Variants in DPF3 observed in about 807,000 individuals in gnomAD.
DPF3 encodes double PHD fingers 3.
DPF3 carries 18 observed loss-of-function variants against 56.8 expected under a neutral mutation model. The observed-to-expected ratio is 0.32, with a 90% CI of 0.22 to 0.47. DPF3 has a LOEUF of 0.47. Among genes scored for constraint, DPF3 ranks in the 20% least tolerant of loss-of-function variants. The probability of loss-of-function intolerance (pLI) is 1.00; values close to 1 mark genes in which losing one functional copy is unlikely to be tolerated. For missense variants in DPF3, 403 were observed against 488.8 expected (o/e 0.82, Z 1.65); for synonymous variants, 188 against 180.2 (o/e 1.04, Z -0.35).
At chr14:72,628,896 A>C (rs1219568456) in intron 9 of DPF3, among the ~76,000 whole-genome samples, 3 of 152,218 alleles carry the variant, frequency 2.0e-5, no homozygotes, top group African/African-American at 4.8e-5. Flanking sequence ...TGGAGGGAAA[A>C]GTCTATGTGT....
chr14:72,766,102 A>G (rs1200340458), intron 2 of DPF3, among the ~76,000 whole-genome samples: 1 of 152,246 alleles, frequency 6.6e-6, no homozygotes, highest in Non-Finnish European at 1.5e-5. Context: ...ATGGTTCCAC[A>G]GGTGAATATA....
At chr14:72,752,024 T>C (rs1890597900) in intron 3 of DPF3, among the ~76,000 whole-genome samples, 2 of 152,142 alleles carry the variant, frequency 1.3e-5, no homozygotes, top group African/African-American at 2.4e-5. Flanking sequence ...TTAAGTGAAA[T>C]ACGGATTGAA....
intron 1 of DPF3, among the ~76,000 whole-genome samples, chr14:72,807,063 T>C (rs972011265): frequency 6.6e-6 from 1 of 151,190 alleles, no homozygotes; most frequent in Non-Finnish European, 1.5e-5. Context: ...GGGAGGTGAG[T>C]TTTCTCTCAC....
At chr14:72,845,173 T>TTAAGGGA (rs1884699178) in intron 1 of DPF3, among the ~76,000 whole-genome samples, 5 of 152,020 alleles carry the variant, frequency 3.3e-5, no homozygotes, top group Admixed American at 2.0e-4. Context: ...ACTCCCTTCC[T>TTAAGGGA]AAGCCTTCCT....
chr14:72,722,791 G>T (rs145393883), intron 5 of DPF3, among the ~76,000 whole-genome samples: 4 of 152,196 alleles, frequency 2.6e-5, no homozygotes, highest in African/African-American at 9.7e-5. Context: ...CCCTTCGGGC[G>T]TGAACTCTAG....
intron 1 of DPF3, among the ~76,000 whole-genome samples, chr14:72,822,564 T>C (rs1023099144): frequency 6.6e-6 from 1 of 152,168 alleles, no homozygotes; most frequent in Admixed American, 6.5e-5. Flanking sequence ...GGTAAGTCTA[T>C]ACTGAAAGAC....
At chr14:72,892,189 G>T in intron 1 of DPF3, 1 of 1,535,462 alleles carries the variant, frequency 6.5e-7, no homozygotes, top group East Asian at 2.4e-5. Flanking sequence ...GAGTTTACCA[G>T]GTGGCATCAG....
intron 7 of DPF3, among the ~76,000 whole-genome samples, chr14:72,676,694 C>A (rs150415576): frequency 0.018 from 2,667 of 152,306 alleles, 40 homozygotes; most frequent in Middle Eastern, 0.048. Flanking sequence ...CCTGCACATG[C>A]TCTCTTGCCT....
At chr14:72,880,374 G>T (rs1232922394) in intron 1 of DPF3, among the ~76,000 whole-genome samples, 1 of 152,192 alleles carries the variant, frequency 6.6e-6, no homozygotes, top group Admixed American at 6.5e-5. Flanking sequence ...GTTGGCAGTT[G>T]CCTAGCAACG....
chr14:72,650,185 T>TA lies in DPF3; in HGVS notation c.872-20450_872-20449insT, dbSNP rs1352239542. Among the ~76,000 whole-genome samples, 52 of 152,286 alleles carry TA rather than the reference T, an allele frequency of 3.4e-4. 1 individual carries two copies. In the East Asian group the frequency reaches 9.9e-3, roughly 29 times the overall value. ...GGATGGCCTGGGGATGAGGGGGGAC[T>TA]GCTCATTAGCTACCCAGCCGTGGTA... On this transcript the variant is annotated intron_variant, in intron 8 of 10. Coordinates refer to ENST00000556509, the MANE Select transcript of DPF3 (RefSeq NM_001280542.3).
intron 1 of DPF3, among the ~76,000 whole-genome samples, chr14:72,789,603 C>G (rs779806349): frequency 1.3e-4 from 20 of 152,214 alleles, no homozygotes; most frequent in Non-Finnish European, 2.6e-4. Context: ...TGGCATGGCT[C>G]ACTGCAGCCT....
intron 6 of DPF3, among the ~76,000 whole-genome samples, chr14:72,698,800 T>C: frequency 6.6e-6 from 1 of 152,322 alleles, no homozygotes; most frequent in South Asian, 2.1e-4. Flanking sequence ...TGCCAGGACA[T>C]AGCACTACCA....
In DPF3 at chr14:72,880,037, C is replaced by G. The variant is rs376498720; in HGVS notation, c.32+14020G>C. ...CTGTGGTATAGAATCCAGTTTCTCCCTGTCTGTCTCCTGCATATGGCTCAG... is the reference window on the plus strand; with the variant it reads ...CTGTGGTATAGAATCCAGTTTCTCCGTGTCTGTCTCCTGCATATGGCTCAG... On this transcript the variant is annotated intron_variant, in intron 1 of 10. Coordinates refer to ENST00000556509, the MANE Select transcript of DPF3 (RefSeq NM_001280542.3). 861 of 1,349,716 alleles carry G rather than the reference C, an allele frequency of 6.4e-4. 24 individuals carry two copies. The South Asian group carries it at 0.013, about 21-fold the overall frequency. The allele number at this position is 1,349,716 out of a possible 1,614,324, so 83.6% of individuals were successfully genotyped here.
intron 1 of DPF3, among the ~76,000 whole-genome samples, chr14:72,785,828 T>G (rs760181619): frequency 6.6e-6 from 1 of 152,204 alleles, no homozygotes; most frequent in Non-Finnish European, 1.5e-5. Flanking sequence ...GGCGATGGAC[T>G]TGAAGAGGCC....
intron 1 of DPF3, among the ~76,000 whole-genome samples, chr14:72,863,367 G>A (rs1467464076): frequency 1.3e-5 from 2 of 151,740 alleles, no homozygotes; most frequent in Non-Finnish European, 2.9e-5. Flanking sequence ...CCGACCTGAA[G>A]GCAATTACCA....
intron 10 of DPF3, among the ~76,000 whole-genome samples, 170 bp from the exon 11 acceptor site, chr14:72,619,537 C>T (rs560763200): frequency 1.7e-4 from 26 of 152,204 alleles, no homozygotes; most frequent in Non-Finnish European, 3.2e-4. Context: ...AAAGCAGGTG[C>T]TCAGAGGAGA....
chr14:72,875,748 A>G (rs1886088291), intron 1 of DPF3, among the ~76,000 whole-genome samples: 2 of 146,008 alleles, frequency 1.4e-5, no homozygotes, highest in African/African-American at 4.9e-5. Context: ...TCCCCGTGAA[A>G]ACTAGGCCCA....
chr14:72,770,328 A>G (rs1248153410), intron 2 of DPF3, among the ~76,000 whole-genome samples: 1 of 152,230 alleles, frequency 6.6e-6, no homozygotes, highest in Admixed American at 6.5e-5. Flanking sequence ...CAAGGAGGAA[A>G]GAGAGAGAGG....
At chr14:72,672,055 A>G (rs1367210301) in intron 8 of DPF3, among the ~76,000 whole-genome samples, 1 of 119,188 alleles carries the variant, frequency 8.4e-6, no homozygotes, top group Admixed American at 9.2e-5. Context: ...ACACACACAC[A>G]CACAGACACA....
Sources: allele counts gnomAD v4.1 joint callset (sites outside exome capture counted in the v4.1 genomes callset), GRCh38; gene constraint gnomAD v4.1.1; transcripts MANE v1.5; gene names NCBI Gene and HGNC (gene_info 2026-07-23, HGNC 2026-07-21).